The following PCGF3 variants were observed in gnomAD, a reference collection of about 807,000 sequenced individuals.
PCGF3 encodes polycomb group ring finger 3, also known as polycomb group RING finger protein 3.
In PCGF3, 7 loss-of-function variants were observed where a neutral mutation model predicts 33.1. The observed-to-expected ratio is 0.21, with a 90% CI of 0.12 to 0.40. The LOEUF is 0.40. Among genes scored for constraint, PCGF3 ranks in the 10% least tolerant of loss-of-function variants. PCGF3 has a pLI of 1.00. For missense variants in PCGF3, 211 were observed against 313.3 expected (o/e 0.67, Z 2.46); for synonymous variants, 153 against 121.3 (o/e 1.26, Z -1.72).
Position 760,423 on chromosome 4 carries a change from T to A in PCGF3, c.463-856T>A, listed in dbSNP as rs1744985781. 2.1e-5 allele frequency among the ~76,000 whole-genome samples: 3 copies of A among 144,588 alleles called. No individual in the cohort carries two copies. In the South Asian group the frequency reaches 6.6e-4, roughly 32 times the overall value. The allele number at this position is 144,588 out of a possible 152,430, so 94.9% of individuals were successfully genotyped here. A position where few individuals can be genotyped will look rare whatever the true frequency, so the allele number is the denominator to read the frequency against. ...GTCCTCGGCTGAGAAGAATCTGTGG[T>A]TCAGCCATCCACTGAGATGTTAGTT... is the stretch of plus-strand genomic sequence containing the variant. On this transcript the variant is annotated intron_variant, in intron 8 of 10. Transcript: ENST00000362003.
At chr4:707,262 C>T (rs527541239) in intron 1 of PCGF3, among the ~76,000 whole-genome samples, 88 of 151,908 alleles carry the variant, frequency 5.8e-4, no homozygotes, top group African/African-American at 2.0e-3. Flanking sequence ...GAGGGCCAGA[C>T]GTAGGGACCA....
At chr4:753,187 C>T (rs999954721) in intron 8 of PCGF3, among the ~76,000 whole-genome samples, 1 of 152,200 alleles carries the variant, frequency 6.6e-6, no homozygotes, top group Non-Finnish European at 1.5e-5. Flanking sequence ...AACTTTAGAG[C>T]TTTTTTATTT....
chr4:763,069 G>C (rs568979014), intron 9 of PCGF3, among the ~76,000 whole-genome samples: 1 of 152,174 alleles, frequency 6.6e-6, no homozygotes, highest in Non-Finnish European at 1.5e-5. Flanking sequence ...GATACGGACA[G>C]CACACCGGGG....
intron 8 of PCGF3, among the ~76,000 whole-genome samples, chr4:760,502 C>T (rs1026516595): frequency 6.6e-6 from 1 of 152,174 alleles, no homozygotes; most frequent in African/African-American, 2.4e-5. Context: ...CAATACTTGC[C>T]CGTCTGTACC....
At chr4:741,043 T>G (rs1744068300) in intron 6 of PCGF3, among the ~76,000 whole-genome samples, 1 of 152,270 alleles carries the variant, frequency 6.6e-6, no homozygotes, top group Non-Finnish European at 1.5e-5. Context: ...ACTGTCATTG[T>G]TGATGGCAAA....
In PCGF3 at chr4:731,133, C is replaced by T. The variant is rs1743537476; in HGVS notation, c.-10+23C>T. Reference sequence around the variant, plus strand: ...GAGGTGAGGCCCACGCCCCCCGACCCCGGGGGTCCTGCTGACTCCTTGCCC... The same window carrying T: ...GAGGTGAGGCCCACGCCCCCCGACCTCGGGGGTCCTGCTGACTCCTTGCCC... On this transcript the variant is annotated intron_variant, in intron 3 of 10. Transcript: ENST00000362003. The T allele has an allele frequency of 7.5e-6, 3 of 398,580 alleles. No homozygotes were observed. In the South Asian group the frequency reaches 3.8e-4, roughly 51 times the overall value. 24.7% of individuals were successfully genotyped at this position (398,580 alleles called of 1,614,324 possible).
intron 9 of PCGF3, chr4:761,830 C>A (rs373019617): frequency 2.0e-6 from 2 of 985,264 alleles, no homozygotes; most frequent in Admixed American, 6.2e-5. Context: ...AGCGGGCGCA[C>A]CATGAACATG....
intron 1 of PCGF3, among the ~76,000 whole-genome samples, chr4:716,633 A>G (rs4525922): frequency 0.85 from 55,282 of 64,792 alleles, 23,345 homozygotes; most frequent in African/African-American, 0.9. Flanking sequence ...GGGACCCTGT[A>G]GACACTGAGT....
At position 748,112 on chromosome 4, in the gene PCGF3, A is replaced by G. The variant is rs193052663; in HGVS notation, c.462+3424A>G. Among the ~76,000 whole-genome samples, 139 of 152,296 alleles carry G rather than the reference A, an allele frequency of 9.1e-4. 2 individuals carry two copies. In the East Asian group the frequency reaches 0.022, roughly 24 times the overall value. On this transcript the variant is annotated intron_variant, in intron 8 of 10. Coordinates refer to ENST00000362003, the Ensembl canonical transcript of PCGF3. ...TCGAGGGCCTCTTCGTGTGTCATTT[A>G]CTGTATTACCAGATGAAGACAGAAA...
rs150678818 is a variant in PCGF3, at chr4:712,738, G to A, written c.-190+6768G>A. ...TGGGATTACAGGCGTGAGCCACCGC[G>A]CCCGGCCAATAAACTCTAATATTTA... On this transcript the variant is annotated intron_variant, in intron 1 of 10. Coordinates refer to ENST00000362003, the Ensembl canonical transcript of PCGF3. 2.2e-3 allele frequency among the ~76,000 whole-genome samples: 338 copies of A among 152,346 alleles called. 1 individual carries two copies. Among genetic ancestry groups the A allele is most frequent in the African/African-American group, 7.7e-3 (322 of 41,578 alleles).
At chr4:739,530 C>T (rs1243702210) in intron 6 of PCGF3, among the ~76,000 whole-genome samples, 1 of 152,240 alleles carries the variant, frequency 6.6e-6, no homozygotes, top group African/African-American at 2.4e-5. Flanking sequence ...GAGAATACCA[C>T]TGACTCACGG....
chr4:761,096 A>G (rs753536296), intron 8 of PCGF3, among the ~76,000 whole-genome samples, 183 bp from the exon 9 acceptor site: 1 of 152,242 alleles, frequency 6.6e-6, no homozygotes, highest in African/African-American at 2.4e-5. Flanking sequence ...GCAGACGATA[A>G]ACAGGTTTTC....
intron 5 of PCGF3, among the ~76,000 whole-genome samples, chr4:735,234 C>G (rs1318714159): frequency 6.6e-6 from 1 of 152,236 alleles, no homozygotes. Context: ...CAGGCTGTGC[C>G]TGCACATACA....
intron 1 of PCGF3, among the ~76,000 whole-genome samples, chr4:724,633 G>T (rs1032082657): frequency 3.9e-5 from 6 of 152,222 alleles, no homozygotes; most frequent in African/African-American, 1.4e-4. Context: ...AGACCAGCCT[G>T]GCCAACGTGG....
chr4:758,274 GCTT>G (rs1744864852), intron 8 of PCGF3, among the ~76,000 whole-genome samples: 1 of 149,852 alleles, frequency 6.7e-6, no homozygotes. Flanking sequence ...CTTTCTCCCT[GCTT>G]CTCACTTCTT....
rs1743735327 is a variant in PCGF3, at chr4:734,106, G to A, written c.109+317G>A. ...ACTGCTGGCAGTTTCCAAATCTCCA[G>A]AGGAGTTCCTTAGATCCTTCAAAGG... On this transcript the variant is annotated intron_variant, in intron 4 of 10. Coordinates refer to ENST00000362003, the Ensembl canonical transcript of PCGF3. The A allele has an allele frequency of 3.2e-6, 5 of 1,550,684 alleles. No homozygotes were observed. In the East Asian group the frequency reaches 1.2e-4, roughly 38 times the overall value.
chr4:733,918 G>A (rs752104459), intron 4 of PCGF3, 129 bp downstream of exon 4: 4 of 1,569,270 alleles, frequency 2.5e-6, no homozygotes, highest in Middle Eastern at 1.7e-4. Context: ...CAGGACCAGG[G>A]GCAGAGACGA....
At chr4:738,754 C>G (rs944013079) in intron 6 of PCGF3, among the ~76,000 whole-genome samples, 3 of 151,720 alleles carry the variant, frequency 2.0e-5, no homozygotes, top group East Asian at 1.9e-4. Context: ...AGCTACTCAG[C>G]AGGCTGAGGC....
chr4:734,009 G>C (rs958519612), intron 4 of PCGF3: 2 of 1,550,980 alleles, frequency 1.3e-6, no homozygotes, highest in Admixed American at 3.9e-5. Context: ...TCGCTTAGGA[G>C]AGCGAAACAC....
Sources: gnomAD v4.1 joint callset for allele counts (sites outside exome capture counted in the v4.1 genomes callset) on GRCh38, gnomAD v4.1.1 for gene constraint, MANE v1.5 for transcripts, NCBI Gene and HGNC (gene_info 2026-07-23, HGNC 2026-07-21) for gene names.